The following ZNF516 variants were observed in gnomAD, a reference collection of about 807,000 sequenced individuals.
ZNF516 encodes the protein zinc finger protein 516.
Under a neutral mutation model 79.7 loss-of-function variants are expected in ZNF516, and 19 were observed. The observed-to-expected ratio is 0.24, with a 90% confidence interval of 0.17 to 0.35. The LOEUF is 0.35. Ranked by LOEUF, ZNF516 falls within the 10% of genes least tolerant of loss-of-function variation. The pLI is 1.00. For synonymous variants in ZNF516, 877 were observed against 739.5 expected, an observed-to-expected ratio of 1.19 and a Z score of -3.02; for missense variants, 1,678 against 1,679.5, an observed-to-expected ratio of 1.00 and a Z score of 0.02.
At chr18:76,484,710 C>T (rs1377730032) in intron 1 of ZNF516, among the ~76,000 whole-genome samples, 1 of 152,204 alleles carries the variant, frequency 6.6e-6, no homozygotes, top group Admixed American at 6.5e-5. Context: ...TAAATCATCT[C>T]CCACACACAT....
chr18:76,407,320 A>G (rs997420557), intron 3 of ZNF516, among the ~76,000 whole-genome samples: 17 of 152,170 alleles, frequency 1.1e-4, no homozygotes, highest in African/African-American at 3.9e-4. Context: ...AGCTACTCGA[A>G]CAGCTGAGGT....
At chr18:76,495,268 G>A (rs2145856007), upstream of ZNF516, 1 of 145,522 alleles carries the variant, frequency 6.9e-6, no homozygotes, top group African/African-American at 2.5e-5. Flanking sequence ...GCTGCGCCCG[G>A]GCGCGGGGGA....
In ZNF516 at chr18:76,362,433, T is replaced by C; in HGVS notation, c.*65A>G. Reference sequence around the variant, plus strand: ...GGCCAGGTCACAGGTGGGAGGCTGCTGGGACATCGTGAGGGTACTGCTAAT... The same window carrying C: ...GGCCAGGTCACAGGTGGGAGGCTGCCGGGACATCGTGAGGGTACTGCTAAT... On this transcript the variant is annotated 3_prime_UTR_variant, in exon 7 of 7. Transcript: ENST00000443185. 3 of 1,536,528 alleles carry C rather than the reference T, an allele frequency of 2.0e-6. No individual in the cohort carries two copies. The highest frequency in any genetic ancestry group is 3.5e-5 in the Admixed American group (2 of 56,772).
intron 1 of ZNF516, among the ~76,000 whole-genome samples, chr18:76,480,524 C>CATATATATAT (rs1555720224): frequency 4.4e-4 from 51 of 116,462 alleles, no homozygotes; most frequent in Middle Eastern, 8.6e-3. Flanking sequence ...CACACACACA[C>CATATATATAT]ATATATTTTT....
At position 76,441,729 on chromosome 18, in the gene ZNF516, C is replaced by A. The variant is rs367678742; in HGVS notation, c.1326G>T (p.Ala442=). 4 of 1,572,502 alleles carry A rather than the reference C, an allele frequency of 2.5e-6. No individual in the cohort carries two copies. The highest frequency in any genetic ancestry group is 3.4e-6 in the Non-Finnish European group (4 of 1,164,142). Residue 442 remains alanine (A), a synonymous_variant, in exon 3 of 7, where the codon GCG becomes GCT. Coordinates refer to ENST00000443185, the MANE Select transcript of ZNF516 (RefSeq NM_014643.4). ...EYLKYGAWDE[A]LAGDVAFDKD... is the part of the protein sequence containing the mutation. ...TGTCGAAGGCCACGTCCCCGGCCAG[C>A]GCCTCGTCCCAGGCCCCGTACTTGA...
rs905461021 is a variant in ZNF516, at chr18:76,373,923, C to G, written c.3260-2352G>C. Among the ~76,000 whole-genome samples the G allele has an allele frequency of 3.0e-4, 45 of 152,344 alleles. 1 individual carries two copies. Among genetic ancestry groups the G allele is most frequent in the Non-Finnish European group, 2.2e-4 (15 of 68,040 alleles). ...TGAACTGAAGACCACCTGGTAAGCACGCAGCTCAAATGTTCTCACCTAGAA... is the reference window on the plus strand; with the variant it reads ...TGAACTGAAGACCACCTGGTAAGCAGGCAGCTCAAATGTTCTCACCTAGAA... On this transcript the variant is annotated intron_variant, in intron 4 of 6. Coordinates refer to ENST00000443185, the MANE Select transcript of ZNF516 (RefSeq NM_014643.4).
intron 6 of ZNF516, among the ~76,000 whole-genome samples, chr18:76,364,330 G>A (rs1351749572): frequency 6.6e-6 from 1 of 152,164 alleles, no homozygotes; most frequent in Non-Finnish European, 1.5e-5. Context: ...CAGCCCTAGA[G>A]CATTTTTAAG....
At chr18:76,370,490 C>T in intron 6 of ZNF516, 38 bp downstream of exon 6, 1 of 1,561,452 alleles carries the variant, frequency 6.4e-7, no homozygotes, top group Non-Finnish European at 8.7e-7. Context: ...CCAGCTACCG[C>T]ATCGAAACCC....
chr18:76,489,651 C>G (rs1915044467), intron 1 of ZNF516, among the ~76,000 whole-genome samples: 1 of 149,766 alleles, frequency 6.7e-6, no homozygotes, highest in Non-Finnish European at 1.5e-5. Context: ...AATAAAATCT[C>G]TAAATTAGTA....
At chr18:76,446,612 G>A (rs934678297) in intron 2 of ZNF516, among the ~76,000 whole-genome samples, 11 of 152,166 alleles carry the variant, frequency 7.2e-5, no homozygotes, top group Admixed American at 2.0e-4. Flanking sequence ...TCAGGCACCC[G>A]GTGACTAGAG....
At chr18:76,469,103 CAT>C (rs1276221329) in intron 1 of ZNF516, among the ~76,000 whole-genome samples, 1 of 152,188 alleles carries the variant, frequency 6.6e-6, no homozygotes, top group African/African-American at 2.4e-5. Context: ...GATGTTTCTA[CAT>C]GTTTAGCTCT....
Position 76,442,431 on chromosome 18 carries a change from C to T in ZNF516, c.624G>A (p.Ala208=), listed in dbSNP as rs1192783535. ...TCAGCAGCGACTCCTCCCGCAGCGTCGCGTAGCTGCACAGCCTGCACTTGA... is the reference window on the plus strand; with the variant it reads ...TCAGCAGCGACTCCTCCCGCAGCGTTGCGTAGCTGCACAGCCTGCACTTGA... The part of the protein sequence containing the change: ...KPFKCRLCSY[A]TLREESLLSH... Residue 208 remains alanine, a synonymous_variant, in exon 3 of 7, where the codon GCG becomes GCA. Coordinates refer to ENST00000443185, the MANE Select transcript of ZNF516 (RefSeq NM_014643.4). The T allele has an allele frequency of 1.9e-6, 3 of 1,606,630 alleles. No homozygotes were observed. The highest frequency in any genetic ancestry group is 1.6e-4 in the Middle Eastern group (1 of 6,082).
At position 76,359,348 on chromosome 18, in the gene ZNF516, A is replaced by C. The variant is rs1198130887; in HGVS notation, c.*3150T>G. ...GCTGAGAATGAAATCTGTCCGTCTA[A>C]GATGACAATAAGACCTTCCAGGGAA... On this transcript the variant is annotated 3_prime_UTR_variant, in exon 7 of 7. Coordinates refer to ENST00000443185, the MANE Select transcript of ZNF516 (RefSeq NM_014643.4). The C allele has an allele frequency of 6.6e-6, 1 of 152,260 alleles. No individual in the cohort carries two copies. The highest frequency in any genetic ancestry group is 1.5e-5 in the Non-Finnish European group (1 of 68,048). The allele number at this position is 152,260 out of a possible 1,614,324, so 9.4% of individuals were successfully genotyped here. A position where few individuals can be genotyped will look rare whatever the true frequency, so the allele number is the denominator to read the frequency against.
Position 76,378,836 on chromosome 18 carries a change from G to C in ZNF516, c.3259+19C>G. 6.2e-7 allele frequency: 1 copy of C among 1,602,086 alleles called. No individual in the cohort carries two copies. Among genetic ancestry groups the C allele is most frequent in the Non-Finnish European group, 8.5e-7 (1 of 1,172,478 alleles). On this transcript the variant is annotated intron_variant, in intron 4 of 6. Coordinates refer to ENST00000443185, the MANE Select transcript of ZNF516 (RefSeq NM_014643.4). ...GGGGTCACATGTGGCCTGGGGAAGA[G>C]AGGGCCCGCACATCTTACCTCTGTG...
intron 2 of ZNF516, among the ~76,000 whole-genome samples, chr18:76,446,529 C>T (rs1356447912): frequency 6.6e-6 from 1 of 152,238 alleles, no homozygotes; most frequent in Admixed American, 6.5e-5. Flanking sequence ...GTGCCAGCAT[C>T]GGACCCATCC....
At chr18:76,410,939 T>A (rs1201317671) in intron 3 of ZNF516, among the ~76,000 whole-genome samples, 1 of 152,194 alleles carries the variant, frequency 6.6e-6, no homozygotes, top group Non-Finnish European at 1.5e-5. Context: ...CAGTCTGCCT[T>A]TCAATATATC....
In ZNF516 at chr18:76,451,936, G is replaced by C. The variant is rs1344865095; in HGVS notation, c.-157-8725C>G. On this transcript the variant is annotated intron_variant, in intron 2 of 6. Transcript: ENST00000443185. This position sits in a 1 kb window ranked among gnomAD's most constrained non-coding sequence, Gnocchi z 6.0. ...AGTCCCCAGACTGGGGTCCCGAAGA[G>C]CCCCATAAAGTGATGCATTCACTAT... 1.3e-5 allele frequency among the ~76,000 whole-genome samples: 2 copies of C among 152,158 alleles called. No individual in the cohort carries two copies. Among genetic ancestry groups the C allele is most frequent in the Non-Finnish European group, 2.9e-5 (2 of 68,030 alleles).
At chr18:76,476,654 G>A (rs1914190408) in intron 1 of ZNF516, among the ~76,000 whole-genome samples, 1 of 152,192 alleles carries the variant, frequency 6.6e-6, no homozygotes, top group Non-Finnish European at 1.5e-5. Context: ...GCGATTAAAC[G>A]TAAGCTTGTA....
intron 3 of ZNF516, among the ~76,000 whole-genome samples, chr18:76,409,964 C>T (rs2075354100): frequency 6.6e-6 from 1 of 152,158 alleles, no homozygotes; most frequent in South Asian, 2.1e-4. Flanking sequence ...GTAAGTTTCA[C>T]GAGATCTGAT....
Sources: allele counts gnomAD v4.1 joint callset (sites outside exome capture counted in the v4.1 genomes callset), GRCh38; gene constraint gnomAD v4.1.1; non-coding constraint Gnocchi (gnomAD v3.1); transcripts MANE v1.5; gene names NCBI Gene and HGNC (gene_info 2026-07-23, HGNC 2026-07-21).